KIF21A: variants seen among roughly 807,000 people sequenced by gnomAD.
The protein encoded by KIF21A is kinesin family member 21A.
A neutral mutation model predicts 202.9 loss-of-function variants in KIF21A; 114 were observed. The ratio of observed to expected loss-of-function variants is 0.56; its 90% CI spans 0.48 to 0.66. The LOEUF is 0.66. Ranked by LOEUF, KIF21A falls within the 30% of genes least tolerant of loss-of-function variation. KIF21A has a pLI of 0.00. For missense variants in KIF21A, 1,677 were observed against 1,994.9 expected, an observed-to-expected ratio of 0.84 and a Z score of 3.04; for synonymous variants, 667 against 670.8, an observed-to-expected ratio of 0.99 and a Z score of 0.09.
intron 37 of KIF21A, among the ~76,000 whole-genome samples, chr12:39,297,508 A>G (rs1942505684): frequency 6.8e-6 from 1 of 146,564 alleles, no homozygotes; most frequent in Non-Finnish European, 1.5e-5. Context: ...AACACCGCAT[A>G]TTCTCACTCA....
chr12:39,412,907 A>T (rs1953230868), intron 1 of KIF21A, among the ~76,000 whole-genome samples: 1 of 152,206 alleles, frequency 6.6e-6, no homozygotes, highest in Non-Finnish European at 1.5e-5. Context: ...TAAATGTTAT[A>T]CAGTTTACCA....
intron 3 of KIF21A, among the ~76,000 whole-genome samples, chr12:39,369,311 T>G (rs556610055): frequency 6.6e-6 from 1 of 152,042 alleles, no homozygotes; most frequent in East Asian, 1.9e-4. Flanking sequence ...TTACAAAAAA[T>G]TAGCCAGGTG....
intron 1 of KIF21A, among the ~76,000 whole-genome samples, chr12:39,401,088 G>A (rs1305464736): frequency 2.0e-5 from 3 of 152,134 alleles, no homozygotes; most frequent in Non-Finnish European, 4.4e-5. Flanking sequence ...AATAAGCTAA[G>A]AGTTTACCCT....
chr12:39,423,429 T>G (rs1464765008), intron 1 of KIF21A, among the ~76,000 whole-genome samples: 1 of 152,072 alleles, frequency 6.6e-6, no homozygotes, highest in Non-Finnish European at 1.5e-5. Context: ...AGATCCACAG[T>G]CTTCTCCTCG....
At chr12:39,364,687 T>C (rs80042103) in intron 6 of KIF21A, among the ~76,000 whole-genome samples, 1 of 152,324 alleles carries the variant, frequency 6.6e-6, no homozygotes, top group Non-Finnish European at 1.5e-5. Flanking sequence ...GTGAGACAAG[T>C]ATGACAGTGA....
In KIF21A at chr12:39,315,999, G is replaced by T; in HGVS notation, c.3909-29C>A. On this transcript the variant is annotated intron_variant, in intron 29 of 37. Coordinates refer to ENST00000361418, the MANE Select transcript of KIF21A (RefSeq NM_001173464.2). ...TAGTGAAAGAGTTAGAATTATGAGAGAAAGAATACAGATGTCAACAGGTAA... is the reference window on the plus strand; with the variant it reads ...TAGTGAAAGAGTTAGAATTATGAGATAAAGAATACAGATGTCAACAGGTAA... 4 of 1,517,320 alleles carry T rather than the reference G, an allele frequency of 2.6e-6. No homozygotes were observed. In the South Asian group the frequency reaches 3.4e-5, roughly 13 times the overall value. 94.0% of individuals were successfully genotyped at this position (1,517,320 alleles called of 1,614,324 possible).
chr12:39,398,558 T>C (rs1387445278), intron 1 of KIF21A, among the ~76,000 whole-genome samples: 2 of 152,060 alleles, frequency 1.3e-5, no homozygotes, highest in Non-Finnish European at 2.9e-5. Flanking sequence ...TAGAAGGTAG[T>C]TGAAGAGCCC....
At chr12:39,410,942 T>A (rs186396251) in intron 1 of KIF21A, among the ~76,000 whole-genome samples, 56 of 152,242 alleles carry the variant, frequency 3.7e-4, no homozygotes, top group Non-Finnish European at 7.6e-4. Context: ...GAATGCTACC[T>A]GTCCTAAAAT....
At chr12:39,322,357 ATAAC>A (rs1456599515) in intron 27 of KIF21A, 1 of 229,276 alleles carries the variant, frequency 4.4e-6, no homozygotes, top group African/African-American at 2.3e-5. Context: ...TTTTATAGGT[ATAAC>A]TTTAATTTAG....
intron 1 of KIF21A, among the ~76,000 whole-genome samples, chr12:39,403,022 T>C (rs1382256168): frequency 6.6e-6 from 1 of 152,158 alleles, no homozygotes; most frequent in East Asian, 1.9e-4. Flanking sequence ...TGGCACTACA[T>C]GTACTCATAA....
At chr12:39,299,202 A>T (rs1942720634) in intron 37 of KIF21A, among the ~76,000 whole-genome samples, 1 of 152,192 alleles carries the variant, frequency 6.6e-6, no homozygotes, top group Non-Finnish European at 1.5e-5. Flanking sequence ...AAATATTTGC[A>T]AACTATGAAT....
intron 24 of KIF21A, among the ~76,000 whole-genome samples, chr12:39,329,882 A>G (rs1592180366): frequency 6.6e-6 from 1 of 152,316 alleles, no homozygotes; most frequent in East Asian, 1.9e-4. Context: ...GGTTAAAACC[A>G]TAGATGTACG....
chr12:39,325,427 G>A (rs1341589923), intron 26 of KIF21A, among the ~76,000 whole-genome samples: 3 of 151,392 alleles, frequency 2.0e-5, no homozygotes, highest in African/African-American at 7.3e-5. Flanking sequence ...CACCTCCTGG[G>A]TTCAAGAGAT....
chr12:39,392,904 A>G (rs150232007), intron 1 of KIF21A, among the ~76,000 whole-genome samples: 3 of 148,352 alleles, frequency 2.0e-5, no homozygotes, highest in African/African-American at 5.0e-5. Flanking sequence ...AAATAAAAAG[A>G]TAATAAAATA....
At position 39,340,957 on chromosome 12, in the gene KIF21A, G is replaced by T; in HGVS notation, c.2059C>A (p.His687Asn). 2 of 1,613,172 alleles carry T rather than the reference G, an allele frequency of 1.2e-6. No individual in the cohort carries two copies. Among genetic ancestry groups the T allele is most frequent in the Non-Finnish European group, 1.7e-6 (2 of 1,179,492 alleles). ...TCAAGCTGAGTATCCCGAATTTTAT[G>T]TTGCAGCATCATTAGCTTCTCTTCA... ...QYEEKLMMLQ[H>N]KIRDTQLERD... is the part of the protein sequence containing the mutation. The change falls in exon 15 of 38, where the codon CAT becomes AAT. Residue 687 changes from histidine to asparagine, a missense_variant. His to Asn is a moderately conservative substitution (Grantham distance 68). Around this residue, in one of 3 missense-constraint regions of KIF21A, gnomAD observed 966 missense variants for 1,180.9 expected, o/e 0.82. Transcript: ENST00000361418.
chr12:39,318,225 G>A, intron 28 of KIF21A, 24 bp from the exon 29 acceptor site: 1 of 1,609,862 alleles, frequency 6.2e-7, no homozygotes, highest in Non-Finnish European at 8.5e-7. Context: ...AGAACATTAA[G>A]TAGGTGGCTT....
intron 1 of KIF21A, among the ~76,000 whole-genome samples, chr12:39,384,724 T>C (rs1475147269): frequency 2.0e-5 from 3 of 152,174 alleles, no homozygotes; most frequent in African/African-American, 7.2e-5. Flanking sequence ...AATCCAGGCA[T>C]GGCACAGCTA....
rs56245570 is a variant in KIF21A, at chr12:39,441,660, T to TAAAA, written c.44+1263_44+1266dup. On this transcript the variant is annotated intron_variant, in intron 1 of 37. Coordinates refer to ENST00000361418, the MANE Select transcript of KIF21A (RefSeq NM_001173464.2). Reference sequence around the variant, plus strand: ...ATAAAACTGTCACCTCCCTGGGTGGTAAAAAAAAAAAAAAAAAAAACACTT... The same window carrying TAAAA: ...ATAAAACTGTCACCTCCCTGGGTGGTAAAAAAAAAAAAAAAAAAAAAAAACACTT... 7.1e-3 allele frequency among the ~76,000 whole-genome samples: 267 copies of TAAAA among 37,770 alleles called. 52 individuals carry two copies. The highest frequency in any genetic ancestry group is 7.6e-3 in the South Asian group (16 of 2,108). The allele number at this position is 37,770 out of a possible 152,430, so 24.8% of individuals were successfully genotyped here.
intron 1 of KIF21A, among the ~76,000 whole-genome samples, chr12:39,439,387 A>C (rs1349606238): frequency 6.6e-6 from 1 of 152,210 alleles, no homozygotes; most frequent in East Asian, 1.9e-4. Flanking sequence ...AGTCAATATA[A>C]GAATTGAAAT....
Sources: gnomAD v4.1 joint callset for allele counts (sites outside exome capture counted in the v4.1 genomes callset) on GRCh38, gnomAD v4.1.1 for gene constraint, gnomAD v4.1.1 regional missense constraint, MANE v1.5 for transcripts, NCBI Gene and HGNC (gene_info 2026-07-23, HGNC 2026-07-21) for gene names.